Variants in PAN3 observed in about 807,000 individuals in gnomAD.
PAN3 encodes poly(A) specific ribonuclease subunit PAN3.
A neutral mutation model predicts 96.2 loss-of-function variants in PAN3; 19 were observed. The ratio of observed to expected loss-of-function variants is 0.20; its 90% confidence interval spans 0.14 to 0.29. PAN3 has a LOEUF of 0.29. Ranked by LOEUF, PAN3 falls within the 10% of genes least tolerant of loss-of-function variation. The pLI is 1.00. For missense variants in PAN3, 882 were observed against 1,108.1 expected (o/e 0.80, Z 2.90); for synonymous variants, 433 against 406.6 (o/e 1.06, Z -0.78).
chr13:28,191,240 CT>C (rs1438136815), intron 4 of PAN3, among the ~76,000 whole-genome samples: 2 of 152,178 alleles, frequency 1.3e-5, no homozygotes, highest in Non-Finnish European at 2.9e-5. Flanking sequence ...TAACCTCTTC[CT>C]TTCCCTTAGC....
rs945231096 is a variant in PAN3, at chr13:28,184,870, G to A, written c.690+6935G>A. Among the ~76,000 whole-genome samples the A allele has an allele frequency of 3.3e-5, 5 of 152,162 alleles. No individual in the cohort carries two copies. The East Asian group carries it at 9.6e-4, about 29-fold the overall frequency. On this transcript the variant is annotated intron_variant, in intron 4 of 18. Transcript: ENST00000380958. ...TAAGAGGTCTTTGTACATTAGAGAT[G>A]TAAATCTCTTCTGTCACATGTTACA...
At chr13:28,173,830 C>G (rs1874611465) in intron 1 of PAN3, among the ~76,000 whole-genome samples, 4 of 152,098 alleles carry the variant, frequency 2.6e-5, no homozygotes, top group Admixed American at 2.6e-4. Flanking sequence ...AGATTTTTTT[C>G]CCCCTGAATT....
intron 5 of PAN3, among the ~76,000 whole-genome samples, chr13:28,200,632 A>T (rs545112369): frequency 4.6e-5 from 7 of 152,234 alleles, no homozygotes; most frequent in Non-Finnish European, 8.8e-5. Context: ...CTGTCTGCCA[A>T]ACATGGCATT....
intron 18 of PAN3, among the ~76,000 whole-genome samples, chr13:28,290,889 A>G (rs1266160697): frequency 1.3e-5 from 2 of 152,208 alleles, no homozygotes; most frequent in East Asian, 1.9e-4. Flanking sequence ...ATTGACAAGT[A>G]GGTAATATGG....
At chr13:28,275,311 A>T (rs1193060481) in intron 14 of PAN3, among the ~76,000 whole-genome samples, 1 of 152,110 alleles carries the variant, frequency 6.6e-6, no homozygotes, top group African/African-American at 2.4e-5. Context: ...TAAAAATCAG[A>T]TGTTATTTTT....
intron 5 of PAN3, among the ~76,000 whole-genome samples, chr13:28,213,811 A>T (rs893239649): frequency 6.6e-6 from 1 of 152,170 alleles, no homozygotes; most frequent in Admixed American, 6.5e-5. Context: ...AAAAATGTGG[A>T]CACTTCAAAG....
chr13:28,141,903 C>T (rs886792879), intron 1 of PAN3, among the ~76,000 whole-genome samples: 1 of 152,078 alleles, frequency 6.6e-6, no homozygotes, highest in Non-Finnish European at 1.5e-5. Context: ...GGTGGGACAT[C>T]TTAGGAAAAT....
chr13:28,139,493 C>T (rs532350225), intron 1 of PAN3, among the ~76,000 whole-genome samples: 117 of 120,742 alleles, frequency 9.7e-4, no homozygotes, highest in Non-Finnish European at 1.6e-3. Flanking sequence ...TGTTGAGGTT[C>T]CCTAGTGGGG....
intron 12 of PAN3, among the ~76,000 whole-genome samples, chr13:28,268,600 A>T (rs1028936683): frequency 6.6e-6 from 1 of 152,170 alleles, no homozygotes; most frequent in Non-Finnish European, 1.5e-5. Flanking sequence ...ATGTCTATTC[A>T]TTAATTTATG....
At chr13:28,152,420 C>T (rs1355622716) in intron 1 of PAN3, among the ~76,000 whole-genome samples, 2 of 151,894 alleles carry the variant, frequency 1.3e-5, no homozygotes, top group African/African-American at 4.8e-5. Flanking sequence ...CGTGTCTCTA[C>T]TAAAAACACA....
intron 9 of PAN3, among the ~76,000 whole-genome samples, chr13:28,262,010 T>A (rs1290827308): frequency 6.6e-6 from 1 of 152,180 alleles, no homozygotes; most frequent in East Asian, 1.9e-4. Context: ...TAATGAAGTA[T>A]GGGTTCTTAA....
At chr13:28,246,572 C>T (rs775713288) in intron 6 of PAN3, among the ~76,000 whole-genome samples, 35 of 152,198 alleles carry the variant, frequency 2.3e-4, no homozygotes, top group Non-Finnish European at 4.3e-4. Context: ...CCTCTTCAGT[C>T]CCCCACCCAC....
intron 9 of PAN3, among the ~76,000 whole-genome samples, 200 bp from the exon 10 acceptor site, chr13:28,266,510 GTTATT>G (rs1427892201): frequency 6.6e-6 from 1 of 151,978 alleles, no homozygotes; most frequent in African/African-American, 2.4e-5. Flanking sequence ...TTATTCTTTG[GTTATT>G]TTATTATATA....
chr13:28,291,552 G>C (rs1187035784), intron 18 of PAN3, among the ~76,000 whole-genome samples: 1 of 152,182 alleles, frequency 6.6e-6, no homozygotes, highest in East Asian at 1.9e-4. Context: ...AAATTAGGCT[G>C]GGCACGGTGG....
intron 1 of PAN3, among the ~76,000 whole-genome samples, chr13:28,168,541 A>G (rs1873873677): frequency 6.6e-6 from 1 of 152,196 alleles, no homozygotes; most frequent in African/African-American, 2.4e-5. Context: ...CAACATGGTG[A>G]AACTTTGTCT....
At chr13:28,271,255 G>A (rs1886598746) in intron 13 of PAN3, among the ~76,000 whole-genome samples, 1 of 152,096 alleles carries the variant, frequency 6.6e-6, no homozygotes, top group Admixed American at 6.6e-5. Flanking sequence ...GTCTGCATTG[G>A]GGCCTAAGTA....
At position 28,277,251 on chromosome 13, in the gene PAN3, A is replaced by C; in HGVS notation, c.2064A>C (p.Ile688=). The C allele has an allele frequency of 6.2e-7, 1 of 1,610,696 alleles. No individual in the cohort carries two copies. Among genetic ancestry groups the C allele is most frequent in the Non-Finnish European group, 8.5e-7 (1 of 1,178,930 alleles). Residue 688 remains isoleucine (I), a synonymous_variant, in exon 15 of 19, where the codon ATA becomes ATC. Coordinates refer to ENST00000380958, the MANE Select transcript of PAN3 (RefSeq NM_175854.8). ...LMAQYQQADL[I]SLGKVVLALA... Reference sequence around the variant, plus strand: ...TTTCATGTCAGCAAGCAGATCTGATATCATTAGGAAAAGTTGTGTTGGCTT... The same window carrying C: ...TTTCATGTCAGCAAGCAGATCTGATCTCATTAGGAAAAGTTGTGTTGGCTT...
rs1177722158 is a variant in PAN3 at position 28,277,387 on chromosome 13, A to G, written c.2189+11A>G. 10 of 1,605,048 alleles carry G rather than the reference A, an allele frequency of 6.2e-6. No individual in the cohort carries two copies. Among genetic ancestry groups the G allele is most frequent in the Non-Finnish European group, 6.8e-6 (8 of 1,175,216 alleles). On this transcript the variant is annotated intron_variant, in intron 15 of 18. Transcript: ENST00000380958. Reference sequence around the variant, plus strand: ...GAAGAATCTGATTTTGTAAGTTTTAATATATGATAAATTGTACAGAATGAT... The same window carrying G: ...GAAGAATCTGATTTTGTAAGTTTTAGTATATGATAAATTGTACAGAATGAT...
intron 6 of PAN3, among the ~76,000 whole-genome samples, chr13:28,223,686 A>C (rs1881652677): frequency 6.6e-6 from 1 of 151,776 alleles, no homozygotes; most frequent in Non-Finnish European, 1.5e-5. Flanking sequence ...ACAACTTAAG[A>C]CTAATTTCCA....
Sources: gnomAD v4.1 joint callset for allele counts (sites outside exome capture counted in the v4.1 genomes callset) on GRCh38, gnomAD v4.1.1 for gene constraint, MANE v1.5 for transcripts, NCBI Gene and HGNC (gene_info 2026-07-23, HGNC 2026-07-21) for gene names.